Variants in MEP1A observed in about 807,000 individuals in gnomAD.
MEP1A encodes the protein N-benzoyl-L-tyrosyl-P-amino-benzoic acid hydrolase subunit alpha.
A neutral mutation model predicts 84.5 loss-of-function variants in MEP1A; 68 were observed. The observed-to-expected ratio is 0.80, with a 90% CI of 0.66 to 0.98. The LOEUF is 0.98. MEP1A is among the 50% of genes least tolerant of loss of function. The pLI, the probability that MEP1A is intolerant of heterozygous loss-of-function variation, is 0.00. For missense variants in MEP1A, 887 were observed against 919.9 expected (o/e 0.96, Z 0.46); for synonymous variants, 337 against 336.8 (o/e 1.00, Z -0.01).
chr6:46,815,027 A>G (rs1481756511), intron 6 of MEP1A, among the ~76,000 whole-genome samples: 1 of 152,208 alleles, frequency 6.6e-6, no homozygotes, highest in Non-Finnish European at 1.5e-5. Context: ...GCAATCCTCC[A>G]GCCAGGAGGT....
intron 7 of MEP1A, among the ~76,000 whole-genome samples, chr6:46,824,157 G>T (rs1481703975): frequency 6.6e-6 from 1 of 152,014 alleles, no homozygotes; most frequent in Non-Finnish European, 1.5e-5. Context: ...GAACATAATT[G>T]ATTGTGAACA....
downstream of MEP1A, among the ~76,000 whole-genome samples, chr6:46,840,428 A>G (rs954809851): frequency 1.3e-5 from 2 of 152,136 alleles, no homozygotes; most frequent in African/African-American, 4.8e-5. Context: ...GAATCTAACA[A>G]GATATAAGAA....
At chr6:46,844,983 C>G in the MEP1A span, among the ~76,000 whole-genome samples, 1 of 152,178 alleles carries the variant, frequency 6.6e-6, no homozygotes, top group African/African-American at 2.4e-5. Flanking sequence ...AACCTCCTTG[C>G]TCTCTCACCT....
chr6:46,845,324 A>C, the MEP1A span, among the ~76,000 whole-genome samples: 7 of 152,214 alleles, frequency 4.6e-5, no homozygotes, highest in Non-Finnish European at 7.3e-5. Flanking sequence ...CCAGAGTGAG[A>C]GCTGCCAAAT....
chr6:46,826,583 C>T (rs764681769), intron 9 of MEP1A, 80 bp downstream of exon 9: 28 of 1,239,918 alleles, frequency 2.3e-5, no homozygotes, highest in Non-Finnish European at 3.0e-5. Flanking sequence ...TGTTTTGCCT[C>T]AGTCAGAATG....
downstream of MEP1A, among the ~76,000 whole-genome samples, chr6:46,843,858 G>A (rs1229634557): frequency 6.6e-6 from 1 of 152,198 alleles, no homozygotes; most frequent in African/African-American, 2.4e-5. Flanking sequence ...AGGCAATTCT[G>A]GAGAGGCTAA....
rs1221947370 is a variant in MEP1A, at chr6:46,807,565, AAAGGAAGG to A, written c.263-1804_263-1797del. Among the ~76,000 whole-genome samples, 480 of 71,548 alleles carry A rather than the reference AAAGGAAGG, an allele frequency of 6.7e-3. 18 individuals carry two copies. The highest frequency in any genetic ancestry group is 8.5e-3 in the Non-Finnish European group (325 of 38,212). 46.9% of individuals were successfully genotyped at this position (71,548 alleles called of 152,430 possible). ...GAAAGAAAGAAAGAAAGAAAGAAAG[AAAGGAAGG>A]AAGGAAGGAAGGAAGGAAGGAAGGA... is the stretch of plus-strand genomic sequence containing the variant. On this transcript the variant is annotated intron_variant, in intron 5 of 13. Coordinates refer to ENST00000230588, the MANE Select transcript of MEP1A (RefSeq NM_005588.3).
intron 4 of MEP1A, 103 bp downstream of exon 4, chr6:46,798,749 G>A (rs1767124136): frequency 6.2e-6 from 6 of 961,198 alleles, no homozygotes; most frequent in South Asian, 5.4e-5. Flanking sequence ...CTGTGAAGGA[G>A]ATGAGAGAAA....
intron 5 of MEP1A, among the ~76,000 whole-genome samples, chr6:46,804,000 T>C (rs908458836): frequency 6.6e-6 from 1 of 151,744 alleles, no homozygotes; most frequent in Admixed American, 6.6e-5. Context: ...ACATGCTTCA[T>C]AAGTCTCGCA....
At chr6:46,810,876 C>T (rs1833462) in intron 6 of MEP1A, among the ~76,000 whole-genome samples, 102,168 of 151,956 alleles carry the variant, frequency 0.67, 34,873 homozygotes, top group African/African-American at 0.77. Flanking sequence ...TATGGCCTTA[C>T]AGTATAGTTT....
intron 6 of MEP1A, among the ~76,000 whole-genome samples, chr6:46,810,945 A>G (rs972129512): frequency 1.3e-5 from 2 of 151,970 alleles, no homozygotes; most frequent in Admixed American, 6.6e-5. Context: ...TGTGTTGGCT[A>G]TGTGGGTTCT....
In MEP1A at chr6:46,833,377, G is replaced by C. The variant is rs116001306; in HGVS notation, c.1448G>C (p.Arg483Thr). 1.0e-3 allele frequency: 1,667 copies of C among 1,614,206 alleles called. 22 individuals are homozygous for C. The African/African-American group carries it at 0.019, about 19-fold the overall frequency. Residue 483 changes from arginine to threonine, a missense_variant, in exon 11 of 14, where the codon AGA becomes ACA. Arg to Thr is a moderately conservative substitution (Grantham distance 71). Transcript: ENST00000230588. ...PNSRESSGYL[R>T]LAFHVCSGEN... ...AGCAGAGAAAGCTCTGGTTACTTGA[G>C]ACTTGCTTTTCATGTGTGCAGTGGG...
chr6:46,807,770 GGAAAGAAAGAAA>G (rs545795578), intron 5 of MEP1A, among the ~76,000 whole-genome samples: 6,345 of 95,542 alleles, frequency 0.066, 306 homozygotes, highest in East Asian at 0.11. Context: ...AAGGGAGAAA[GGAAAGAAAGAAA>G]GAAAGAAAGA....
intron 9 of MEP1A, 130 bp downstream of exon 9, chr6:46,826,633 C>G: frequency 1.3e-6 from 1 of 741,328 alleles, no homozygotes; most frequent in Non-Finnish European, 2.0e-6. Context: ...GGACAAAAAA[C>G]ATTTCTTATA....
At position 46,829,443 on chromosome 6, in the gene MEP1A, G is replaced by A. The variant is rs767627897; in HGVS notation, c.1016G>A (p.Arg339Lys). The change falls in exon 10 of 14, where the codon AGG becomes AAG. Residue 339 changes from arginine to lysine, a missense_variant. Coordinates refer to ENST00000230588, the MANE Select transcript of MEP1A (RefSeq NM_005588.3). ...LLESRILYPK[R>K]KQQCLQFFYK... ...GAGTCTCGGATTCTTTACCCAAAGA[G>A]GAAGCAGCAGTGCCTGCAATTTTTC... 9.9e-6 allele frequency: 16 copies of A among 1,614,086 alleles called. No individual in the cohort carries two copies. The South Asian group carries it at 1.6e-4, about 17-fold the overall frequency.
At position 46,803,183 on chromosome 6, in the gene MEP1A, T is replaced by C. The variant is rs142949147; in HGVS notation, c.262+4002T>C. ...TCACCGATAAAATAAAATAACCAAGTAATGGAATTTTCTTTGTGGGATAGT... is the reference window on the plus strand; with the variant it reads ...TCACCGATAAAATAAAATAACCAAGCAATGGAATTTTCTTTGTGGGATAGT... On this transcript the variant is annotated intron_variant, in intron 5 of 13. Transcript: ENST00000230588. Among the ~76,000 whole-genome samples the C allele has an allele frequency of 1.9e-3, 292 of 151,756 alleles. 1 individual carries two copies. The highest frequency in any genetic ancestry group is 6.8e-3 in the African/African-American group (283 of 41,540).
rs771677962 is a variant in MEP1A at position 46,839,176 on chromosome 6, T to A, written c.*40T>A. 2.5e-6 allele frequency: 4 copies of A among 1,586,878 alleles called. No homozygotes were observed. The South Asian group carries it at 4.6e-5, about 18-fold the overall frequency. ...TTGGCCAGACCACAGCAGCACCTCC[T>A]CCATGCAGGCCTTAACTTTCCCATG... On this transcript the variant is annotated 3_prime_UTR_variant, in exon 14 of 14. Coordinates refer to ENST00000230588, the MANE Select transcript of MEP1A (RefSeq NM_005588.3).
chr6:46,806,317 T>A (rs1017832809), intron 5 of MEP1A, among the ~76,000 whole-genome samples: 11 of 152,220 alleles, frequency 7.2e-5, no homozygotes, highest in Admixed American at 6.6e-4. Flanking sequence ...TTATGCGTGT[T>A]TTCATTCTCC....
At chr6:46,803,638 T>A (rs551162570) in intron 5 of MEP1A, among the ~76,000 whole-genome samples, 1 of 151,766 alleles carries the variant, frequency 6.6e-6, no homozygotes, top group East Asian at 1.9e-4. Context: ...TTTAGTTTAC[T>A]CTTCTTTTTT....
Sources: allele counts gnomAD v4.1 joint callset (sites outside exome capture counted in the v4.1 genomes callset), GRCh38; gene constraint gnomAD v4.1.1; transcripts MANE v1.5; gene names NCBI Gene and HGNC (gene_info 2026-07-23, HGNC 2026-07-21).